The following PRKCH variants were observed in gnomAD, a reference collection of about 807,000 sequenced individuals.
PRKCH encodes protein kinase C eta, also known as protein kinase C eta type.
PRKCH carries 28 observed loss-of-function variants against 82.5 expected under a neutral mutation model. The ratio of observed to expected loss-of-function variants is 0.34; its 90% confidence interval spans 0.25 to 0.47. The LOEUF is 0.47. Ranked by LOEUF, PRKCH falls within the 20% of genes least tolerant of loss-of-function variation. The pLI is 1.00. For missense variants in PRKCH, 705 were observed against 881.8 expected (o/e 0.80, Z 2.54); for synonymous variants, 322 against 327.4 (o/e 0.98, Z 0.18).
chr14:61,323,316 A>G (rs78411708), intron 1 of PRKCH, among the ~76,000 whole-genome samples: 7,737 of 152,294 alleles, frequency 0.051, 267 homozygotes, highest in East Asian at 0.097. Flanking sequence ...AGAGCGCTCT[A>G]CACGGTGCTA....
intron 1 of PRKCH, among the ~76,000 whole-genome samples, chr14:61,296,769 C>A (rs2045409599): frequency 1.3e-5 from 2 of 152,136 alleles, no homozygotes; most frequent in Non-Finnish European, 2.9e-5. Context: ...GATTTTGTTT[C>A]TGTGGGAATA....
At chr14:61,515,076 T>G (rs1449124515) in intron 10 of PRKCH, among the ~76,000 whole-genome samples, 1 of 152,200 alleles carries the variant, frequency 6.6e-6, no homozygotes. Flanking sequence ...ATTTAAGAAG[T>G]CTGCAGGTGG....
At chr14:61,410,878 G>A (rs73320025) in intron 2 of PRKCH, among the ~76,000 whole-genome samples, 3,417 of 152,216 alleles carry the variant, frequency 0.022, 121 homozygotes, top group African/African-American at 0.078. Context: ...ATTCCAAACC[G>A]TGCGAATGGC....
intron 1 of PRKCH, among the ~76,000 whole-genome samples, chr14:61,271,823 T>A (rs2045155915): frequency 6.6e-6 from 1 of 152,246 alleles, no homozygotes; most frequent in Non-Finnish European, 1.5e-5. Context: ...TGCCCTCAGC[T>A]GGAAACCTGG....
At chr14:61,475,179 C>T (rs560982555) in intron 9 of PRKCH, among the ~76,000 whole-genome samples, 2 of 152,288 alleles carry the variant, frequency 1.3e-5, no homozygotes, top group South Asian at 4.1e-4. Flanking sequence ...CCTACAAGCC[C>T]TATACAAACT....
At chr14:61,335,820 T>A (rs1290227531) in intron 1 of PRKCH, among the ~76,000 whole-genome samples, 1 of 152,256 alleles carries the variant, frequency 6.6e-6, no homozygotes, top group Non-Finnish European at 1.5e-5. Context: ...TGAATTAGGA[T>A]GCAGAATCTA....
At chr14:61,443,526 C>G (rs1884074850) in intron 3 of PRKCH, among the ~76,000 whole-genome samples, 1 of 152,076 alleles carries the variant, frequency 6.6e-6, no homozygotes, top group African/African-American at 2.4e-5. Context: ...GGTCAACAAG[C>G]ATAAATCAGA....
intron 12 of PRKCH, among the ~76,000 whole-genome samples, chr14:61,533,949 T>C (rs2043075112): frequency 6.6e-6 from 1 of 152,338 alleles, no homozygotes; most frequent in South Asian, 2.1e-4. Flanking sequence ...TGCAACTTGA[T>C]TTAATTAGGC....
At chr14:61,393,510 A>G (rs796481775) in intron 2 of PRKCH, among the ~76,000 whole-genome samples, 26 of 152,314 alleles carry the variant, frequency 1.7e-4, no homozygotes, top group African/African-American at 6.0e-4. Context: ...CATTAATTTT[A>G]TGTCACTCAA....
upstream of PRKCH, among the ~76,000 whole-genome samples, chr14:61,320,228 G>A (rs1445672719): frequency 2.0e-5 from 3 of 152,178 alleles, no homozygotes; most frequent in East Asian, 3.9e-4. Context: ...AAGGAAGAAA[G>A]AAAGGAATGA....
intron 1 of PRKCH, among the ~76,000 whole-genome samples, chr14:61,250,913 A>T (rs750891732): frequency 1.4e-4 from 21 of 152,196 alleles, no homozygotes; most frequent in Non-Finnish European, 2.8e-4. Flanking sequence ...TTTTAAAAAA[A>T]GGTCTAGCAT....
chr14:61,470,624 C>G (rs558484589), intron 9 of PRKCH, among the ~76,000 whole-genome samples: 1 of 152,172 alleles, frequency 6.6e-6, no homozygotes, highest in Admixed American at 6.5e-5. Context: ...TGGGAGGCTT[C>G]CAATTCTTAG....
intron 2 of PRKCH, among the ~76,000 whole-genome samples, chr14:61,438,809 A>C (rs760435898): frequency 2.6e-5 from 4 of 152,236 alleles, no homozygotes; most frequent in Non-Finnish European, 4.4e-5. Flanking sequence ...ATGGGGTGAC[A>C]GTCCAGTTTT....
rs565982381 is a variant in PRKCH, at chr14:61,469,896, TGAG to T, written c.1278+12220_1278+12222del. ...AGGCATAGGGCTCGCCTTCAAGCCTTGAGGACGCAGCAGTGAGCAAAACAGAAA... is the reference window on the plus strand; with the variant it reads ...AGGCATAGGGCTCGCCTTCAAGCCTTGACGCAGCAGTGAGCAAAACAGAAA... On this transcript the variant is annotated intron_variant, in intron 9 of 13. Transcript: ENST00000332981. 3.9e-5 allele frequency among the ~76,000 whole-genome samples: 6 copies of T among 152,134 alleles called. No homozygotes were observed. The South Asian group carries it at 1.2e-3, about 32-fold the overall frequency.
intron 1 of PRKCH, among the ~76,000 whole-genome samples, chr14:61,339,338 T>TTC (rs2045899573): frequency 2.0e-5 from 3 of 151,532 alleles, no homozygotes; most frequent in Admixed American, 2.0e-4. Context: ...TTTTTTTTTT[T>TTC]TCCGAGACGG....
At position 61,280,862 on chromosome 14, in the gene PRKCH, A is replaced by G; in HGVS notation, c.-19+93194A>G. 1 of 1,568,190 alleles carries G rather than the reference A, an allele frequency of 6.4e-7. No individual in the cohort carries two copies. The highest frequency in any genetic ancestry group is 8.6e-7 in the Non-Finnish European group (1 of 1,165,260). On this transcript the variant is annotated intron_variant, in intron 1 of 3. Transcript: ENST00000555185. This position sits in a 1 kb window ranked among gnomAD's most constrained non-coding sequence, Gnocchi z 5.0. ...AAGAGCTCGGGCAGCGAGAAGTACC[A>G]GGCGCACGAGCAGGGGGGCGGCAGC...
intron 1 of PRKCH, among the ~76,000 whole-genome samples, chr14:61,237,025 A>G (rs959873777): frequency 2.6e-5 from 4 of 152,074 alleles, no homozygotes; most frequent in Non-Finnish European, 4.4e-5. Flanking sequence ...ACTTTACCCT[A>G]TGGACTCGCC....
intron 2 of PRKCH, among the ~76,000 whole-genome samples, chr14:61,417,905 A>G (rs1397487374): frequency 6.6e-6 from 1 of 152,156 alleles, no homozygotes; most frequent in African/African-American, 2.4e-5. Context: ...CTGATGAGGA[A>G]GCCACACATG....
Position 61,361,508 on chromosome 14 carries a change from A to G in PRKCH, c.364-29717A>G, listed in dbSNP as rs184246797. Among the ~76,000 whole-genome samples, 345 of 152,340 alleles carry G rather than the reference A, an allele frequency of 2.3e-3. 1 individual carries two copies. Among genetic ancestry groups the G allele is most frequent in the African/African-American group, 7.9e-3 (327 of 41,584 alleles). On this transcript the variant is annotated intron_variant, in intron 1 of 13. Coordinates refer to ENST00000332981, the MANE Select transcript of PRKCH (RefSeq NM_006255.5). ...AGTTAATTGTTTGTGAACTTTGTTCATGGTCTTTCTGAAACTTTCAACTCT... is the reference window on the plus strand; with the variant it reads ...AGTTAATTGTTTGTGAACTTTGTTCGTGGTCTTTCTGAAACTTTCAACTCT...
Sources: gnomAD v4.1 joint callset for allele counts (sites outside exome capture counted in the v4.1 genomes callset) on GRCh38, gnomAD v4.1.1 for gene constraint, Gnocchi (gnomAD v3.1) non-coding constraint, MANE v1.5 for transcripts, NCBI Gene and HGNC (gene_info 2026-07-23, HGNC 2026-07-21) for gene names.